The following ITPR1 variants were observed in gnomAD, a reference collection of about 807,000 sequenced individuals.
ITPR1 encodes the protein inositol 1,4,5-trisphosphate receptor type 1.
Under a neutral mutation model 318.4 loss-of-function variants are expected in ITPR1, and 96 were observed. The ratio of observed to expected loss-of-function variants is 0.30; its 90% confidence interval spans 0.26 to 0.36. ITPR1 has a LOEUF of 0.36. ITPR1 is among the 10% of genes least tolerant of loss of function. The pLI is 1.00. For synonymous variants in ITPR1, 1,312 were observed against 1,289.9 expected (o/e 1.02, Z -0.37); for missense variants, 2,440 against 3,460.2 (o/e 0.71, Z 7.40).
intron 4 of ITPR1, among the ~76,000 whole-genome samples, chr3:4,536,838 A>G (rs2083914388): frequency 6.6e-6 from 1 of 152,236 alleles, no homozygotes; most frequent in African/African-American, 2.4e-5. Flanking sequence ...AATTGAGTTG[A>G]TATTTAGCAA....
intron 4 of ITPR1, among the ~76,000 whole-genome samples, chr3:4,525,418 G>A (rs898266319): frequency 2.0e-5 from 3 of 152,134 alleles, no homozygotes; most frequent in African/African-American, 7.2e-5. Flanking sequence ...TTCTCTGATG[G>A]TTGAAAGTAC....
At chr3:4,568,117 G>A (rs150984704) in intron 4 of ITPR1, among the ~76,000 whole-genome samples, 14 of 152,288 alleles carry the variant, frequency 9.2e-5, no homozygotes, top group African/African-American at 3.1e-4. Context: ...AAGAGTCTGT[G>A]ATTTTTACAT....
At chr3:4,514,095 A>G (rs1026992640) in intron 2 of ITPR1, among the ~76,000 whole-genome samples, 1 of 152,050 alleles carries the variant, frequency 6.6e-6, no homozygotes, top group Admixed American at 6.5e-5. Flanking sequence ...TAAAAAAAAA[A>G]AAAAAGTCTG....
chr3:4,642,336 A>G, intron 7 of ITPR1, 85 bp downstream of exon 7: 1 of 1,108,788 alleles, frequency 9.0e-7, no homozygotes, highest in Admixed American at 3.5e-5. Flanking sequence ...GGAGACGTTG[A>G]AAGTTGGAAC....
chr3:4,700,670 T>A (rs2094633927), intron 35 of ITPR1, among the ~76,000 whole-genome samples: 1 of 152,174 alleles, frequency 6.6e-6, no homozygotes, highest in Non-Finnish European at 1.5e-5. Flanking sequence ...AGCCATCGTG[T>A]CCTTTTGCTC....
chr3:4,738,691 G>A (rs769705274), intron 44 of ITPR1, among the ~76,000 whole-genome samples: 7 of 151,862 alleles, frequency 4.6e-5, no homozygotes, highest in Non-Finnish European at 7.3e-5. Flanking sequence ...GCACACAGAA[G>A]CTGTTTTTCC....
intron 40 of ITPR1, among the ~76,000 whole-genome samples, chr3:4,721,849 G>A (rs745554091): frequency 1.3e-5 from 2 of 151,944 alleles, no homozygotes; most frequent in Non-Finnish European, 2.9e-5. Context: ...CACATGAAGC[G>A]GATGGATGGA....
intron 4 of ITPR1, among the ~76,000 whole-genome samples, chr3:4,558,568 T>C (rs1270858006): frequency 6.6e-6 from 1 of 152,138 alleles, no homozygotes; most frequent in African/African-American, 2.4e-5. Flanking sequence ...TTGTAGGTGA[T>C]GCAACAGGAA....
intron 4 of ITPR1, among the ~76,000 whole-genome samples, chr3:4,581,790 G>T (rs2089370328): frequency 6.6e-6 from 1 of 152,186 alleles, no homozygotes; most frequent in Non-Finnish European, 1.5e-5. Flanking sequence ...GGCTTTTCTG[G>T]TGTTGGAGGG....
At chr3:4,637,956 C>G (rs867910642) in intron 5 of ITPR1, among the ~76,000 whole-genome samples, 1 of 152,200 alleles carries the variant, frequency 6.6e-6, no homozygotes. Flanking sequence ...GATCAAATGG[C>G]AATTATGTGT....
chr3:4,620,266 C>T (rs2092575652), intron 4 of ITPR1, among the ~76,000 whole-genome samples: 1 of 152,154 alleles, frequency 6.6e-6, no homozygotes, highest in African/African-American at 2.4e-5. Context: ...TACATGCCTT[C>T]GTTGTACATG....
intron 19 of ITPR1, 61 bp downstream of exon 19, chr3:4,669,834 G>A: frequency 4.0e-6 from 6 of 1,481,976 alleles, no homozygotes; most frequent in Non-Finnish European, 5.4e-6. Context: ...TGGTGCTCAT[G>A]AGGAATAAAA....
intron 47 of ITPR1, 130 bp from the exon 48 acceptor site, chr3:4,777,134 T>G (rs1396823230): frequency 1.9e-6 from 1 of 529,004 alleles, no homozygotes; most frequent in African/African-American, 1.9e-5. Flanking sequence ...ACGGAAAATT[T>G]GCAGCTCTCC....
intron 4 of ITPR1, among the ~76,000 whole-genome samples, chr3:4,619,547 C>T (rs1195803936): frequency 2.1e-5 from 3 of 141,728 alleles, no homozygotes; most frequent in African/African-American, 5.5e-5. Context: ...CCTTCTGCCG[C>T]CCTTTCCCCC....
At chr3:4,708,072 G>A (rs181511746) in intron 37 of ITPR1, among the ~76,000 whole-genome samples, 2 of 152,272 alleles carry the variant, frequency 1.3e-5, no homozygotes, top group East Asian at 3.9e-4. Flanking sequence ...TTTTGTCTGA[G>A]GTTAGGGATG....
chr3:4,796,554 G>C (rs1001046708), intron 53 of ITPR1, among the ~76,000 whole-genome samples: 1 of 152,152 alleles, frequency 6.6e-6, no homozygotes, highest in Admixed American at 6.5e-5. Context: ...TACCTTGTCT[G>C]TGTTTTCATT....
rs115769448 is a variant in ITPR1 at position 4,511,285 on chromosome 3, A to T, written c.-16-5191A>T. Among the ~76,000 whole-genome samples the T allele has an allele frequency of 9.7e-3, 1,476 of 152,230 alleles. 11 individuals are homozygous for T. Among genetic ancestry groups the T allele is most frequent in the Non-Finnish European group, 0.014 (985 of 68,004 alleles). ...TTATTTGCACTTTTCTTGGGAATAGAATCAAATCTTCCCTGCCCCCCCTTT... is the reference window on the plus strand; with the variant it reads ...TTATTTGCACTTTTCTTGGGAATAGTATCAAATCTTCCCTGCCCCCCCTTT... On this transcript the variant is annotated intron_variant, in intron 2 of 61. Coordinates refer to ENST00000649015, the MANE Select transcript of ITPR1 (RefSeq NM_001378452.1).
chr3:4,567,196 C>T (rs2087391909), intron 4 of ITPR1, among the ~76,000 whole-genome samples: 1 of 152,192 alleles, frequency 6.6e-6, no homozygotes, highest in Admixed American at 6.5e-5. Flanking sequence ...GAAGTGGAGT[C>T]TCCCCTTCAA....
chr3:4,814,609 T>TGGGGGGGGGGGGGGGGG, intron 58 of ITPR1, 47 bp downstream of exon 58: 1 of 458,444 alleles, frequency 2.2e-6, no homozygotes. Context: ...GCGGGTGGGG[T>TGGGGGGGGGGGGGGGGG]GGTTGGTGGG....
Sources: gnomAD v4.1 joint callset for allele counts (sites outside exome capture counted in the v4.1 genomes callset) on GRCh38, gnomAD v4.1.1 for gene constraint, MANE v1.5 for transcripts, NCBI Gene and HGNC (gene_info 2026-07-23, HGNC 2026-07-21) for gene names.